Variants in ATXN8OS observed in about 807,000 individuals in gnomAD.
ATXN8OS encodes the protein ATXN8 opposite strand (non-protein coding).
At chr13:70,143,556 G>A (rs531824753) in intron 3 of ATXN8OS, among the ~76,000 whole-genome samples, 131 of 152,084 alleles carry the variant, frequency 8.6e-4, no homozygotes, top group Non-Finnish European at 1.5e-3. Context: ...GAATAAGTGA[G>A]GCTGATTATA....
At chr13:70,108,917 G>A (rs1888152249) in intron 1 of ATXN8OS, among the ~76,000 whole-genome samples, 1 of 152,142 alleles carries the variant, frequency 6.6e-6, no homozygotes, top group Non-Finnish European at 1.5e-5. Context: ...AGGCACCCAG[G>A]CACTGCTTCA....
intron 1 of ATXN8OS, among the ~76,000 whole-genome samples, chr13:70,109,295 C>T (rs1888158773): frequency 6.6e-6 from 1 of 152,138 alleles, no homozygotes. Flanking sequence ...CTTTAATGAG[C>T]CATTAAGATA....
chr13:70,143,941 G>C (rs557145955), intron 3 of ATXN8OS, among the ~76,000 whole-genome samples: 70 of 152,022 alleles, frequency 4.6e-4, no homozygotes, highest in African/African-American at 1.6e-3. Flanking sequence ...TACGAATTTT[G>C]TTTTTATGTA....
chr13:70,107,440 G>A, upstream of ATXN8OS: 3 of 1,614,178 alleles, frequency 1.9e-6, no homozygotes, highest in Non-Finnish European at 2.5e-6. Flanking sequence ...ATTGAAGGAA[G>A]AGGAGGAAGA....
At chr13:70,132,178 T>G (rs958353223) in intron 3 of ATXN8OS, among the ~76,000 whole-genome samples, 1 of 152,122 alleles carries the variant, frequency 6.6e-6, no homozygotes, top group Non-Finnish European at 1.5e-5. Context: ...ATATATTGCT[T>G]ACTGGACTAT....
At chr13:70,125,833 T>C (rs918557377) in intron 2 of ATXN8OS, among the ~76,000 whole-genome samples, 8 of 152,144 alleles carry the variant, frequency 5.3e-5, no homozygotes, top group African/African-American at 1.9e-4. Context: ...GTCTCCACAT[T>C]CCTCCTAGAC....
intron 3 of ATXN8OS, among the ~76,000 whole-genome samples, chr13:70,147,133 T>C (rs945666869): frequency 6.6e-6 from 1 of 152,108 alleles, no homozygotes; most frequent in South Asian, 2.1e-4. Context: ...CAAAATACAA[T>C]GTATTGTCTG....
chr13:70,158,049 A>G (rs1408916308), intron 4 of ATXN8OS, among the ~76,000 whole-genome samples: 2 of 152,196 alleles, frequency 1.3e-5, no homozygotes, highest in Non-Finnish European at 2.9e-5. Flanking sequence ...GTATAATACC[A>G]GATTCTCTAA....
At chr13:70,132,025 G>T (rs766780394) in intron 3 of ATXN8OS, among the ~76,000 whole-genome samples, 3 of 152,110 alleles carry the variant, frequency 2.0e-5, no homozygotes, top group Non-Finnish European at 2.9e-5. Context: ...ATTGATCATT[G>T]CCAGAAGAAA....
chr13:70,152,728 T>C (rs1593774420), intron 4 of ATXN8OS, among the ~76,000 whole-genome samples: 1 of 152,184 alleles, frequency 6.6e-6, no homozygotes, highest in Non-Finnish European at 1.5e-5. Flanking sequence ...GTTTCAAATA[T>C]TCTGGGTTTC....
intron 4 of ATXN8OS, among the ~76,000 whole-genome samples, chr13:70,155,772 A>ATTTTT (rs34936703): frequency 1.4e-5 from 2 of 143,340 alleles, no homozygotes; most frequent in African/African-American, 5.2e-5. Context: ...ACAATATTCC[A>ATTTTT]TTTTTTTTTT....
rs1888516946 is a variant in ATXN8OS, at chr13:70,130,532, T to C, written n.499+648T>C. 5 of 394,508 alleles carry C rather than the reference T, an allele frequency of 1.3e-5. No homozygotes were observed. The South Asian group carries it at 7.2e-4, about 57-fold the overall frequency. 24.4% of individuals were successfully genotyped at this position (394,508 alleles called of 1,614,324 possible). On this transcript the variant is annotated intron_variant and non_coding_transcript_variant, in intron 3 of 4. Transcript: ENST00000678624. Reference sequence around the variant, plus strand: ...ATGCGTGATACAGATATGCATAATGTGATGTAGGGGAAGTATTTTAAAACA... The same window carrying C: ...ATGCGTGATACAGATATGCATAATGCGATGTAGGGGAAGTATTTTAAAACA...
chr13:70,132,780 C>T (rs1888552488), intron 3 of ATXN8OS, among the ~76,000 whole-genome samples: 1 of 152,094 alleles, frequency 6.6e-6, no homozygotes, highest in African/African-American at 2.4e-5. Flanking sequence ...CAATAATGAA[C>T]ATTTGACTGT....
intron 1 of ATXN8OS, among the ~76,000 whole-genome samples, chr13:70,111,142 T>C (rs1888194093): frequency 6.6e-6 from 1 of 152,180 alleles, no homozygotes; most frequent in Admixed American, 6.5e-5. Flanking sequence ...TTTACTGTAA[T>C]ACACAAATAC....
At chr13:70,111,379 C>T (rs559367910) in intron 1 of ATXN8OS, among the ~76,000 whole-genome samples, 1 of 152,294 alleles carries the variant, frequency 6.6e-6, no homozygotes, top group Non-Finnish European at 1.5e-5. Flanking sequence ...GAGGCTGCAT[C>T]TGGTGAAGGT....
At chr13:70,156,722 C>T (rs1888942268) in intron 4 of ATXN8OS, among the ~76,000 whole-genome samples, 1 of 152,068 alleles carries the variant, frequency 6.6e-6, no homozygotes. Context: ...CATAAACTAT[C>T]CTGATAAGTG....
At position 70,166,851 on chromosome 13, in the gene ATXN8OS, C is replaced by T. The variant is rs370481715; in HGVS notation, n.574-2902C>T. On this transcript the variant is annotated intron_variant and non_coding_transcript_variant, in intron 4 of 4. Transcript: ENST00000678624. ...TAAAACAACCCCATCAAAAAGTGGG[C>T]AAAGGATATAAACAGACACTTCTCA... Among the ~76,000 whole-genome samples the T allele has an allele frequency of 1.2e-4, 18 of 151,764 alleles. 1 individual carries two copies. The highest frequency in any genetic ancestry group is 3.4e-4 in the African/African-American group (14 of 41,374).
At chr13:70,130,704 A>G (rs918782078) in intron 3 of ATXN8OS, 1 of 398,392 alleles carries the variant, frequency 2.5e-6, no homozygotes, top group African/African-American at 2.1e-5. Context: ...GAGAGGGAAG[A>G]AAAACATTTA....
chr13:70,108,207 C>A (rs41283980), intron 1 of ATXN8OS: 45,834 of 394,714 alleles, frequency 0.12, 3,356 homozygotes, highest in African/African-American at 0.26. Context: ...AGAGAAAGAG[C>A]CCCAAGTCTC....
Sources: allele counts gnomAD v4.1 joint callset (sites outside exome capture counted in the v4.1 genomes callset), GRCh38; gene constraint gnomAD v4.1.1; transcripts MANE v1.5; gene names NCBI Gene and HGNC (gene_info 2026-07-23, HGNC 2026-07-21).